Variants in INSL6 observed in about 807,000 individuals in gnomAD.
INSL6 encodes insulin-like peptide INSL6.
A neutral mutation model predicts 9.4 loss-of-function variants in INSL6; 16 were observed. That is an observed-to-expected ratio of 1.70 (90% CI 1.15 to 2.59). The LOEUF (loss-of-function observed/expected upper bound fraction) is 2.59, where lower values mean the gene tolerates loss of function less well. Ranked by LOEUF, INSL6 falls within the 30% of genes most tolerant of loss-of-function variation. INSL6 has a pLI of 0.00. For missense variants in INSL6, 391 were observed against 257.3 expected, an observed-to-expected ratio of 1.52 and a Z score of -3.56; for synonymous variants, 154 against 96.9, an observed-to-expected ratio of 1.59 and a Z score of -3.46.
the INSL6 span, among the ~76,000 whole-genome samples, chr9:5,027,841 C>T: frequency 1.3e-5 from 2 of 152,206 alleles, no homozygotes; most frequent in Non-Finnish European, 2.9e-5. Flanking sequence ...CGTGAGATTA[C>T]AGCAATTCAG....
chr9:5,125,628 G>A (rs1007371847), intron 3 of INSL6, among the ~76,000 whole-genome samples: 1 of 151,224 alleles, frequency 6.6e-6, no homozygotes, highest in Non-Finnish European at 1.5e-5. Context: ...CAATGCATAG[G>A]GATGTACATT....
chr9:5,054,927 A>G, the INSL6 span: 15 of 1,372,808 alleles, frequency 1.1e-5, no homozygotes, highest in Admixed American at 2.3e-5. This position sits in a 1 kb window ranked among gnomAD's most constrained non-coding sequence, Gnocchi z 4.9. Context: ...TATTTTAAGT[A>G]CAATGGAAAT....
the INSL6 span, among the ~76,000 whole-genome samples, chr9:5,042,267 A>G: frequency 6.6e-6 from 1 of 150,926 alleles, no homozygotes; most frequent in Non-Finnish European, 1.5e-5. Flanking sequence ...CCTCCCAAGT[A>G]GCTGGGACTA....
chr9:5,142,785 A>G (rs980447520), intron 2 of INSL6, among the ~76,000 whole-genome samples: 1 of 152,192 alleles, frequency 6.6e-6, no homozygotes, highest in Non-Finnish European at 1.5e-5. Context: ...CCAGTTTTCA[A>G]GGAGAATGCT....
At chr9:5,170,002 C>T (rs1017593150) in intron 1 of INSL6, among the ~76,000 whole-genome samples, 1 of 152,196 alleles carries the variant, frequency 6.6e-6, no homozygotes, top group Admixed American at 6.5e-5. Flanking sequence ...GAATTCAACT[C>T]TGGATCAAAT....
chr9:5,042,286 C>T, the INSL6 span, among the ~76,000 whole-genome samples: 6 of 151,644 alleles, frequency 4.0e-5, no homozygotes, highest in Admixed American at 2.0e-4. Flanking sequence ...TACAGGCGCC[C>T]GCCACCGCGC....
the INSL6 span, among the ~76,000 whole-genome samples, chr9:5,012,721 T>G: frequency 6.6e-6 from 1 of 152,208 alleles, no homozygotes; most frequent in Non-Finnish European, 1.5e-5. Context: ...GCAGATGAGG[T>G]TCTTTGTTGA....
At chr9:5,112,082 A>G in the INSL6 span, 2 of 380,996 alleles carry the variant, frequency 5.2e-6, no homozygotes, top group Non-Finnish European at 1.0e-5. Context: ...AGAGTAAGAT[A>G]GAAGACCACC....
chr9:5,076,488 T>G, the INSL6 span, among the ~76,000 whole-genome samples: 1 of 152,184 alleles, frequency 6.6e-6, no homozygotes, highest in African/African-American at 2.4e-5. Context: ...CATTAGCACC[T>G]TTTTTGGCAA....
the INSL6 span, chr9:5,109,030 C>G: frequency 3.9e-5 from 6 of 152,234 alleles, no homozygotes; most frequent in African/African-American, 1.2e-4. Flanking sequence ...TGCCTTACCC[C>G]TACCATTAAT....
the INSL6 span, chr9:5,111,953 G>C: frequency 2.7e-4 from 96 of 349,364 alleles, no homozygotes; most frequent in African/African-American, 1.8e-3. Context: ...ATAACTTGTG[G>C]TCCAGCCCCT....
the INSL6 span, among the ~76,000 whole-genome samples, chr9:5,007,964 A>G: frequency 6.6e-6 from 1 of 152,070 alleles, no homozygotes; most frequent in Non-Finnish European, 1.5e-5. Context: ...CCTGACCTCA[A>G]ATGATCCCCC....
chr9:5,099,194 C>T, the INSL6 span: 1 of 152,200 alleles, frequency 6.6e-6, no homozygotes, highest in South Asian at 2.1e-4. Context: ...TTAAATCAAA[C>T]TACCTTAACC....
chr9:5,110,367 A>G, the INSL6 span: 1 of 152,272 alleles, frequency 6.6e-6, no homozygotes, highest in African/African-American at 2.4e-5. Context: ...TTAAAAAATC[A>G]TAGCATTCTC....
the INSL6 span, among the ~76,000 whole-genome samples, chr9:5,027,014 T>C: frequency 6.6e-6 from 1 of 152,370 alleles, no homozygotes; most frequent in Non-Finnish European, 1.5e-5. Flanking sequence ...TTTTGTGATT[T>C]GATACCTATT....
the INSL6 span, among the ~76,000 whole-genome samples, chr9:5,022,793 T>G: frequency 6.6e-6 from 1 of 152,228 alleles, no homozygotes; most frequent in Non-Finnish European, 1.5e-5. Flanking sequence ...CCACTGAGGT[T>G]ACTATAGAGC....
At chr9:5,032,254 C>T in the INSL6 span, among the ~76,000 whole-genome samples, 1 of 152,238 alleles carries the variant, frequency 6.6e-6, no homozygotes, top group African/African-American at 2.4e-5. Flanking sequence ...AGCCAGGAAG[C>T]TCAAACTGGG....
the INSL6 span, chr9:5,098,109 CA>C: frequency 6.6e-6 from 1 of 152,140 alleles, no homozygotes; most frequent in Non-Finnish European, 1.5e-5. Context: ...AAAACTATAA[CA>C]ATTGAACAAC....
the INSL6 span, among the ~76,000 whole-genome samples, chr9:5,004,409 A>G: frequency 6.6e-6 from 1 of 152,056 alleles, no homozygotes; most frequent in Non-Finnish European, 1.5e-5. Flanking sequence ...GCCTAGCTTT[A>G]TTTCACTTAA....
Sources: gnomAD v4.1 joint callset for allele counts (sites outside exome capture counted in the v4.1 genomes callset) on GRCh38, gnomAD v4.1.1 for gene constraint, Gnocchi (gnomAD v3.1) non-coding constraint, MANE v1.5 for transcripts, NCBI Gene and HGNC (gene_info 2026-07-23, HGNC 2026-07-21) for gene names.